MGST1: variants seen among roughly 807,000 people sequenced by gnomAD.
MGST1 encodes the protein glutathione S-transferase 12.
In MGST1, 5 loss-of-function variants were observed where a neutral mutation model predicts 8.9. The ratio of observed to expected loss-of-function variants is 0.56; its 90% CI spans 0.29 to 1.19. The LOEUF (loss-of-function observed/expected upper bound fraction) is 1.19. Among genes scored for constraint, MGST1 ranks in the 50% most tolerant of loss-of-function variants. The pLI is 0.08. For missense variants in MGST1, 182 were observed against 187.4 expected, an observed-to-expected ratio of 0.97 and a Z score of 0.17; for synonymous variants, 54 against 67.8, an observed-to-expected ratio of 0.80 and a Z score of 1.00.
chr12:16,591,639 G>C (rs1026266935), downstream of MGST1, among the ~76,000 whole-genome samples: 14 of 152,104 alleles, frequency 9.2e-5, no homozygotes, highest in African/African-American at 3.4e-4. This position sits in a 1 kb window ranked among gnomAD's most constrained non-coding sequence, Gnocchi z 4.1. Flanking sequence ...TTTGCAAGAG[G>C]TATCAATTGT....
downstream of MGST1, among the ~76,000 whole-genome samples, chr12:16,443,292 T>C (rs1285335382): frequency 1.3e-5 from 2 of 151,878 alleles, no homozygotes; most frequent in African/African-American, 4.8e-5. Context: ...CCTTTTAAAA[T>C]ATATCTAAAT....
chr12:16,436,976 A>G (rs1466605754), intron 1 of MGST1, among the ~76,000 whole-genome samples: 1 of 152,012 alleles, frequency 6.6e-6, no homozygotes, highest in African/African-American at 2.4e-5. Context: ...CTGGCCATTT[A>G]TATAGCCAAA....
chr12:16,379,401 A>G (rs1940427975), downstream of MGST1, among the ~76,000 whole-genome samples: 1 of 152,248 alleles, frequency 6.6e-6, no homozygotes, highest in Non-Finnish European at 1.5e-5. Context: ...ATCTATTGAG[A>G]AAATCATGTG....
rs1940735021 is a variant in MGST1 at position 16,410,683 on chromosome 12, A to T, written n.779-26705A>T. On this transcript the variant is annotated intron_variant and non_coding_transcript_variant, in intron 1 of 1. Transcript: ENST00000359720. This position sits in a 1 kb window ranked among gnomAD's most constrained non-coding sequence, Gnocchi z 4.4. ...ACATACATAATCAAATATATAATATAAATATATAATATAATATATAAATAT... is the reference window on the plus strand; with the variant it reads ...ACATACATAATCAAATATATAATATTAATATATAATATAATATATAAATAT... Among the ~76,000 whole-genome samples the T allele has an allele frequency of 6.8e-6, 1 of 148,134 alleles. No homozygotes were observed. The highest frequency in any genetic ancestry group is 2.1e-4 in the South Asian group (1 of 4,808).
At chr12:16,387,121 C>T (rs1940510474) in intron 1 of MGST1, among the ~76,000 whole-genome samples, 1 of 152,048 alleles carries the variant, frequency 6.6e-6, no homozygotes, top group African/African-American at 2.4e-5. Context: ...ACTTTACAAA[C>T]TTTATAATCT....
rs2137279475 is a variant in MGST1, at chr12:16,555,275, TC to T, written n.483-34250del. Among the ~76,000 whole-genome samples the T allele has an allele frequency of 6.6e-6, 1 of 152,322 alleles. No individual in the cohort carries two copies. The highest frequency in any genetic ancestry group is 2.4e-5 in the African/African-American group (1 of 41,586). On this transcript the variant is annotated intron_variant and non_coding_transcript_variant, in intron 4 of 4. Coordinates refer to the MGST1 transcript ENST00000538857. This position sits in a 1 kb window ranked among gnomAD's most constrained non-coding sequence, Gnocchi z 5.5. ...ACTTAAATTGTAACAATCCTTGAGT[TC>T]CCATTGCCTCCATCAACATCTTCTG...
chr12:16,402,276 G>A, intron 1 of MGST1: 1 of 1,589,892 alleles, frequency 6.3e-7, no homozygotes. Flanking sequence ...TAAGGCAGTT[G>A]ATTTGGAATA....
At chr12:16,494,453 A>G (rs1305078715) in intron 4 of MGST1, among the ~76,000 whole-genome samples, 2 of 152,196 alleles carry the variant, frequency 1.3e-5, no homozygotes, top group Non-Finnish European at 1.5e-5. Context: ...GAGTATGACT[A>G]CCAGTAATTA....
intron 1 of MGST1, chr12:16,400,507 T>C: frequency 1.2e-6 from 1 of 821,546 alleles, no homozygotes; most frequent in East Asian, 2.4e-5. Context: ...GCCCTCCTTC[T>C]CTTTCTCTTC....
intron 4 of MGST1, among the ~76,000 whole-genome samples, chr12:16,478,653 G>A (rs987798197): frequency 6.6e-6 from 1 of 151,206 alleles, no homozygotes; most frequent in African/African-American, 2.4e-5. Flanking sequence ...GAAAGTGGGA[G>A]GACATTATAT....
intron 1 of MGST1, among the ~76,000 whole-genome samples, chr12:16,384,662 A>G (rs964091752): frequency 7.9e-5 from 12 of 152,234 alleles, no homozygotes; most frequent in African/African-American, 2.7e-4. Flanking sequence ...TTGCTCTAGA[A>G]AACCAATATA....
chr12:16,494,265 T>C (rs568953668), intron 4 of MGST1, among the ~76,000 whole-genome samples: 2 of 152,274 alleles, frequency 1.3e-5, no homozygotes, highest in South Asian at 4.1e-4. Flanking sequence ...TTTCCTTTAG[T>C]GTTATTTTTA....
At chr12:16,552,477 T>C (rs1942026244) in intron 4 of MGST1, among the ~76,000 whole-genome samples, 1 of 152,060 alleles carries the variant, frequency 6.6e-6, no homozygotes. Flanking sequence ...GTTGGACTGA[T>C]TTACATTTGC....
chr12:16,408,377 AT>A (rs1049279147), intron 1 of MGST1, among the ~76,000 whole-genome samples: 17 of 152,150 alleles, frequency 1.1e-4, no homozygotes, highest in South Asian at 2.1e-4. Context: ...CCTAAAATAA[AT>A]TTTTTTTAAA....
At position 16,354,312 on chromosome 12, in the gene MGST1, A is replaced by C. The variant is rs773391265; in HGVS notation, c.60A>C (p.Ala20=). The C allele has an allele frequency of 1.9e-6, 3 of 1,607,686 alleles. No individual in the cohort carries two copies. Among genetic ancestry groups the C allele is most frequent in the Admixed American group, 3.4e-5 (2 of 58,838 alleles). ...DEVFMAFASY[A]TIILSKMMLM... is the part of the protein sequence containing the mutation. ...TATTCATGGCTTTTGCATCCTATGC[A>C]ACAATTATTCTTTCAAAAATGATGC... Residue 20 remains alanine (A), a synonymous_variant, in exon 2 of 4, where the codon GCA becomes GCC. Coordinates refer to ENST00000396210, the MANE Select transcript of MGST1 (RefSeq NM_020300.5).
At chr12:16,378,622 C>T (rs1373886731), downstream of MGST1, among the ~76,000 whole-genome samples, 3 of 150,260 alleles carry the variant, frequency 2.0e-5, no homozygotes, top group Non-Finnish European at 3.0e-5. Context: ...ATTGACTTGG[C>T]GATGCGGGCT....
At position 16,544,820 on chromosome 12, in the gene MGST1, T is replaced by C. The variant is rs2137217128; in HGVS notation, n.483-44708T>C. Among the ~76,000 whole-genome samples, 1 of 152,150 alleles carries C rather than the reference T, an allele frequency of 6.6e-6. No individual in the cohort carries two copies. Among genetic ancestry groups the C allele is most frequent in the Admixed American group, 6.5e-5 (1 of 15,270 alleles). Reference sequence around the variant, plus strand: ...TGGAATTATGAAAGTTCCATTGATGTGATAGGGAGGATGACTATTAAATTA... The same window carrying C: ...TGGAATTATGAAAGTTCCATTGATGCGATAGGGAGGATGACTATTAAATTA... On this transcript the variant is annotated intron_variant and non_coding_transcript_variant, in intron 4 of 4. Coordinates refer to the MGST1 transcript ENST00000538857. The surrounding 1 kb of genome is among the most constrained non-coding windows in gnomAD (Gnocchi z 4.8).
chr12:16,523,433 C>T (rs149361054), intron 4 of MGST1, among the ~76,000 whole-genome samples: 5 of 152,102 alleles, frequency 3.3e-5, no homozygotes, highest in Admixed American at 6.6e-5. Context: ...TCATCTGTCA[C>T]CCAAGGCCTC....
chr12:16,383,240 C>G (rs766410104), exon 1 of MGST1: 1 of 153,078 alleles, frequency 6.5e-6, no homozygotes, highest in Non-Finnish European at 1.5e-5. Flanking sequence ...GCCTCACTCA[C>G]GCTGGGAGCT....
Sources: allele counts gnomAD v4.1 joint callset (sites outside exome capture counted in the v4.1 genomes callset), GRCh38; gene constraint gnomAD v4.1.1; non-coding constraint Gnocchi (gnomAD v3.1); transcripts MANE v1.5; gene names NCBI Gene and HGNC (gene_info 2026-07-23, HGNC 2026-07-21).